The following SEMA3A variants were observed in gnomAD, a reference collection of about 807,000 sequenced individuals.
The protein encoded by SEMA3A is semaphorin-3A.
SEMA3A carries 29 observed loss-of-function variants against 97.9 expected under a neutral mutation model. The ratio of observed to expected loss-of-function variants is 0.30; its 90% CI spans 0.22 to 0.40. The LOEUF (loss-of-function observed/expected upper bound fraction) is 0.40. Ranked by LOEUF, SEMA3A falls within the 10% of genes least tolerant of loss-of-function variation. The pLI, the probability that SEMA3A is intolerant of heterozygous loss-of-function variation, is 1.00. For synonymous variants in SEMA3A, 321 were observed against 323.7 expected (o/e 0.99, Z 0.09); for missense variants, 763 against 951.3 (o/e 0.80, Z 2.60).
chr7:84,288,964 T>C (rs963711568), intron 3 of SEMA3A, among the ~76,000 whole-genome samples: 2 of 152,120 alleles, frequency 1.3e-5, no homozygotes, highest in African/African-American at 4.8e-5. Flanking sequence ...GAAAAACCTA[T>C]GTGTCCTTCC....
At chr7:84,372,769 A>ATTTTTTTT (rs1803004063) in intron 1 of SEMA3A, among the ~76,000 whole-genome samples, 8 of 152,134 alleles carry the variant, frequency 5.3e-5, no homozygotes, top group African/African-American at 1.9e-4. Flanking sequence ...TAGAACCAGA[A>ATTTTTTTT]TATCTTTTCA....
intron 1 of SEMA3A, among the ~76,000 whole-genome samples, chr7:84,397,587 G>A (rs1243819820): frequency 1.3e-5 from 2 of 151,420 alleles, no homozygotes; most frequent in African/African-American, 4.8e-5. Context: ...AGAAGTACAA[G>A]TGCAGGTTTG....
chr7:83,968,021 T>C (rs1025236133), intron 15 of SEMA3A, among the ~76,000 whole-genome samples: 3 of 152,168 alleles, frequency 2.0e-5, no homozygotes, highest in African/African-American at 4.8e-5. Context: ...ATCAATTTGA[T>C]TCTTTATTAA....
chr7:83,961,696 G>C lies in SEMA3A; in HGVS notation c.1991C>G (p.Thr664Ser), dbSNP rs755168774. The C allele has an allele frequency of 2.5e-5, 40 of 1,613,484 alleles. No individual in the cohort carries two copies. Among genetic ancestry groups the C allele is most frequent in the African/African-American group, 4.0e-5 (3 of 74,868 alleles). ...HGFIQTLLKVTLEVIDTEHLE... is the reference protein window; with the variant it reads ...HGFIQTLLKVSLEVIDTEHLE... Reference sequence around the variant, plus strand: ...ATGCTCTGTGTCAATGACTTCCAGGGTTACCTTAAGAAGAGTTTGTATGAA... The same window carrying C: ...ATGCTCTGTGTCAATGACTTCCAGGCTTACCTTAAGAAGAGTTTGTATGAA... Residue 664 changes from threonine to serine, a missense_variant, in exon 17 of 17, where the codon ACC becomes AGC. Coordinates refer to ENST00000265362, the MANE Select transcript of SEMA3A (RefSeq NM_006080.3).
chr7:84,182,253 A>G (rs1797756564), intron 1 of SEMA3A, among the ~76,000 whole-genome samples: 1 of 152,150 alleles, frequency 6.6e-6, no homozygotes, highest in African/African-American at 2.4e-5. Flanking sequence ...GAGACATATT[A>G]AATAGAAATA....
At chr7:84,466,133 T>C (rs965739315) in intron 1 of SEMA3A, among the ~76,000 whole-genome samples, 1 of 151,080 alleles carries the variant, frequency 6.6e-6, no homozygotes, top group African/African-American at 2.4e-5. Context: ...TGTCTCCAAC[T>C]ACTTTTCTTT....
intron 2 of SEMA3A, among the ~76,000 whole-genome samples, chr7:84,342,699 G>A (rs967372634): frequency 6.6e-6 from 1 of 152,124 alleles, no homozygotes; most frequent in Non-Finnish European, 1.5e-5. Context: ...GTGTATAAAC[G>A]ATTAGTTGCT....
intron 2 of SEMA3A, among the ~76,000 whole-genome samples, chr7:84,326,045 T>C (rs906151153): frequency 3.9e-5 from 6 of 152,154 alleles, no homozygotes; most frequent in Non-Finnish European, 8.8e-5. Context: ...TCATAATGTC[T>C]TTCAGGTTCA....
intron 1 of SEMA3A, among the ~76,000 whole-genome samples, chr7:84,184,687 G>C (rs78750341): frequency 6.6e-6 from 1 of 151,968 alleles, no homozygotes; most frequent in East Asian, 1.9e-4. Flanking sequence ...GGGAATCTGT[G>C]TGCTGATCAG....
chr7:84,416,758 C>T (rs998352323), intron 1 of SEMA3A, among the ~76,000 whole-genome samples: 1 of 152,056 alleles, frequency 6.6e-6, no homozygotes, highest in African/African-American at 2.4e-5. Context: ...ACAGAAACTT[C>T]AGATTTCAAA....
chr7:83,999,007 T>C (rs1430181981), intron 12 of SEMA3A, among the ~76,000 whole-genome samples: 3 of 152,108 alleles, frequency 2.0e-5, no homozygotes, highest in South Asian at 2.1e-4. Context: ...CTGGAATACC[T>C]CCTGAAGGAT....
intron 1 of SEMA3A, among the ~76,000 whole-genome samples, chr7:84,421,590 G>A (rs1047613986): frequency 6.6e-6 from 1 of 152,082 alleles, no homozygotes; most frequent in African/African-American, 2.4e-5. Flanking sequence ...TCGTTGTCTT[G>A]TGCTGGGTTT....
Position 84,182,889 on chromosome 7 carries a change from C to T in SEMA3A, c.112+11586G>A, listed in dbSNP as rs949772815. Among the ~76,000 whole-genome samples, 15 of 152,166 alleles carry T rather than the reference C, an allele frequency of 9.9e-5. 1 individual carries two copies. Among genetic ancestry groups the T allele is most frequent in the Admixed American group, 7.2e-4 (11 of 15,284 alleles). ...AATTTCATGTTTTAAGACATTCATG[C>T]TATTACGCTACATTTCTTTGAAAGA... On this transcript the variant is annotated intron_variant, in intron 1 of 16. Transcript: ENST00000265362.
intron 3 of SEMA3A, among the ~76,000 whole-genome samples, chr7:84,283,564 T>C (rs1263908977): frequency 1.3e-5 from 2 of 151,494 alleles, no homozygotes; most frequent in African/African-American, 4.9e-5. Context: ...ACTGATTGCA[T>C]GTGGCAAAAA....
At chr7:84,060,393 G>T in intron 5 of SEMA3A, 72 bp downstream of exon 5, 1 of 896,966 alleles carries the variant, frequency 1.1e-6, no homozygotes, top group Non-Finnish European at 1.7e-6. Flanking sequence ...AATCTTGGTA[G>T]ATAAAAAAGA....
intron 1 of SEMA3A, among the ~76,000 whole-genome samples, chr7:84,157,594 C>G (rs17158679): frequency 0.1 from 15,146 of 152,132 alleles, 1,062 homozygotes; most frequent in East Asian, 0.19. Context: ...CTAGTTCAAG[C>G]GATTTTAATA....
rs3779441 is a variant in SEMA3A at position 84,013,926 on chromosome 7, A to G, written c.810+283T>C. On this transcript the variant is annotated intron_variant, in intron 7 of 16. Transcript: ENST00000265362. ...GAAAAAACATAAATTACCTTCTCCC[A>G]GGTAAAATAAAACCATTTTGTTACT... 0.048 allele frequency among the ~76,000 whole-genome samples: 7,344 copies of G among 152,296 alleles called. 286 individuals are homozygous for G. The highest frequency in any genetic ancestry group is 0.19 in the East Asian group (973 of 5,172).
chr7:84,240,638 C>T (rs1219400661), intron 3 of SEMA3A, among the ~76,000 whole-genome samples: 1 of 152,018 alleles, frequency 6.6e-6, no homozygotes, highest in East Asian at 1.9e-4. Flanking sequence ...GGTACTAATG[C>T]TGAACATGTG....
chr7:84,448,811 G>A (rs1038087783), intron 1 of SEMA3A, among the ~76,000 whole-genome samples: 1 of 151,660 alleles, frequency 6.6e-6, no homozygotes, highest in East Asian at 1.9e-4. Context: ...TCTAACATGT[G>A]CATGAAAGCA....
Sources: allele counts gnomAD v4.1 joint callset (sites outside exome capture counted in the v4.1 genomes callset), GRCh38; gene constraint gnomAD v4.1.1; transcripts MANE v1.5; gene names NCBI Gene and HGNC (gene_info 2026-07-23, HGNC 2026-07-21).